Variants in HGSNAT observed in about 807,000 individuals in gnomAD.
The protein encoded by HGSNAT is heparan-alpha-glucosaminide N-acetyltransferase, also known as transmembrane protein 76.
Under a neutral mutation model 85.2 loss-of-function variants are expected in HGSNAT, and 59 were observed. That is an observed-to-expected ratio of 0.69 (90% CI 0.56 to 0.86). HGSNAT has a LOEUF of 0.86. HGSNAT is among the 40% of genes least tolerant of loss of function. HGSNAT has a pLI of 0.00. For synonymous variants in HGSNAT, 321 were observed against 304.5 expected, an observed-to-expected ratio of 1.05 and a Z score of -0.56; for missense variants, 756 against 777.1, an observed-to-expected ratio of 0.97 and a Z score of 0.32.
intron 13 of HGSNAT, among the ~76,000 whole-genome samples, chr8:43,193,160 C>T (rs926694749): frequency 1.3e-5 from 2 of 152,110 alleles, no homozygotes; most frequent in African/African-American, 2.4e-5. Flanking sequence ...AGAAGAGGCA[C>T]CTGTCTGAGA....
chr8:43,151,185 A>AT (rs1406669505), intron 2 of HGSNAT, among the ~76,000 whole-genome samples: 1 of 152,224 alleles, frequency 6.6e-6, no homozygotes, highest in Admixed American at 6.5e-5. Context: ...CAGGGCAAAC[A>AT]TTTTGAAGGT....
In HGSNAT at chr8:43,193,736, C is replaced by A. The variant is rs373930673; in HGVS notation, c.1378-21C>A. The A allele has an allele frequency of 4.5e-6, 7 of 1,562,406 alleles. No individual in the cohort carries two copies. The African/African-American group carries it at 9.5e-5, about 21-fold the overall frequency. On this transcript the variant is annotated intron_variant, in intron 13 of 17. Coordinates refer to ENST00000379644, the MANE Select transcript of HGSNAT (RefSeq NM_152419.3). ...TTTCAGATCAGTGAGTGAGTGCTGC[C>A]TTCTGCTTCTGTTTGTTAAGGTACT...
chr8:43,153,091 G>A (rs1399479294), intron 2 of HGSNAT, among the ~76,000 whole-genome samples: 1 of 151,616 alleles, frequency 6.6e-6, no homozygotes, highest in Non-Finnish European at 1.5e-5. Context: ...ATTGGGCAAT[G>A]TGGAGACTTG....
At chr8:43,153,186 G>A (rs1043212164) in intron 2 of HGSNAT, among the ~76,000 whole-genome samples, 7 of 152,108 alleles carry the variant, frequency 4.6e-5, no homozygotes, top group African/African-American at 1.2e-4. Context: ...CAATGTAAGT[G>A]TGAGAAGTAG....
chr8:43,185,029 G>A (rs1321902026), intron 11 of HGSNAT, among the ~76,000 whole-genome samples: 1 of 152,134 alleles, frequency 6.6e-6, no homozygotes, highest in East Asian at 1.9e-4. Context: ...ATGCTGTTTT[G>A]GTTACTGTAG....
At chr8:43,183,001 C>T (rs936695665) in intron 11 of HGSNAT, among the ~76,000 whole-genome samples, 2 of 152,106 alleles carry the variant, frequency 1.3e-5, no homozygotes, top group Non-Finnish European at 2.9e-5. Flanking sequence ...ATATGTAATA[C>T]TTGTACATAT....
At chr8:43,193,629 A>C in intron 13 of HGSNAT, 128 bp from the exon 14 acceptor site, 1 of 611,816 alleles carries the variant, frequency 1.6e-6, no homozygotes, top group Non-Finnish European at 2.9e-6. Flanking sequence ...TTGGCAATGA[A>C]TTTCTGCAGC....
intron 17 of HGSNAT, among the ~76,000 whole-genome samples, chr8:43,198,529 C>T (rs1804810243): frequency 6.6e-6 from 1 of 152,162 alleles, no homozygotes; most frequent in South Asian, 2.1e-4. Context: ...CCTCGTGATC[C>T]GCCCGCCTCG....
intron 2 of HGSNAT, among the ~76,000 whole-genome samples, chr8:43,151,637 GAAAC>G (rs1043140236): frequency 1.3e-5 from 2 of 152,024 alleles, no homozygotes; most frequent in African/African-American, 4.8e-5. Flanking sequence ...GCACAACAAA[GAAAC>G]AAACTAATAT....
intron 2 of HGSNAT, among the ~76,000 whole-genome samples, chr8:43,156,081 C>T (rs1648595630): frequency 6.6e-6 from 1 of 152,130 alleles, no homozygotes; most frequent in Non-Finnish European, 1.5e-5. Flanking sequence ...CTCAGGTGAT[C>T]TGCCAGCCTC....
intron 5 of HGSNAT, among the ~76,000 whole-genome samples, chr8:43,168,680 A>G (rs1360740293): frequency 6.6e-6 from 1 of 151,974 alleles, no homozygotes; most frequent in Non-Finnish European, 1.5e-5. Flanking sequence ...TACAGGCAAG[A>G]GCCACCATGC....
chr8:43,191,379 G>C (rs1461467344), intron 11 of HGSNAT, 95 bp from the exon 12 acceptor site: 2 of 1,487,628 alleles, frequency 1.3e-6, no homozygotes, highest in African/African-American at 2.8e-5. Flanking sequence ...AAAAGGCCAA[G>C]AAATGAGTCA....
At position 43,188,024 on chromosome 8, in the gene HGSNAT, A is replaced by G. The variant is rs535969458; in HGVS notation, c.1129-3450A>G. On this transcript the variant is annotated intron_variant, in intron 11 of 17. Transcript: ENST00000379644. ...TGCTGAGAGATCTGCTGTTAGTCTG[A>G]TGGACTTCCCTTTATGGGTAACCTG... 5.9e-5 allele frequency among the ~76,000 whole-genome samples: 9 copies of G among 152,238 alleles called. No homozygotes were observed. In the South Asian group the frequency reaches 1.9e-3, roughly 32 times the overall value.
chr8:43,182,825 G>A (rs1338328596), intron 11 of HGSNAT, among the ~76,000 whole-genome samples: 1 of 152,138 alleles, frequency 6.6e-6, no homozygotes, highest in Non-Finnish European at 1.5e-5. Flanking sequence ...ATGCAATACT[G>A]TACATCTGCT....
chr8:43,199,046 C>T (rs927540148), intron 17 of HGSNAT, among the ~76,000 whole-genome samples: 1 of 152,080 alleles, frequency 6.6e-6, no homozygotes, highest in Non-Finnish European at 1.5e-5. Flanking sequence ...GGATTACGGG[C>T]ACACCCCACC....
chr8:43,166,203 T>C (rs1287803895), intron 5 of HGSNAT, among the ~76,000 whole-genome samples: 1 of 152,186 alleles, frequency 6.6e-6, no homozygotes, highest in African/African-American at 2.4e-5. Context: ...CGGCAAGTGC[T>C]GATGGAGAAG....
intron 2 of HGSNAT, 64 bp from the exon 3 acceptor site, chr8:43,158,511 C>T (rs1803163058): frequency 1.3e-6 from 2 of 1,566,664 alleles, no homozygotes; most frequent in African/African-American, 1.4e-5. Context: ...ATATTTATGT[C>T]CTCCAGCAAT....
chr8:43,165,795 G>A (rs1269874413), intron 5 of HGSNAT, among the ~76,000 whole-genome samples: 1 of 152,126 alleles, frequency 6.6e-6, no homozygotes, highest in Non-Finnish European at 1.5e-5. Context: ...AATTAGCTGG[G>A]CATGGTGTTG....
At chr8:43,191,107 C>G (rs530385189) in intron 11 of HGSNAT, among the ~76,000 whole-genome samples, 1 of 152,222 alleles carries the variant, frequency 6.6e-6, no homozygotes, top group African/African-American at 2.4e-5. Flanking sequence ...AATTAGATTC[C>G]GCTTTAGGGA....
Sources: allele counts gnomAD v4.1 joint callset (sites outside exome capture counted in the v4.1 genomes callset), GRCh38; gene constraint gnomAD v4.1.1; transcripts MANE v1.5; gene names NCBI Gene and HGNC (gene_info 2026-07-23, HGNC 2026-07-21).